The following RB1 variants were observed in gnomAD, a reference collection of about 807,000 sequenced individuals.
The protein encoded by RB1 is RB transcriptional corepressor 1, also known as retinoblastoma-associated protein.
Under a neutral mutation model 135.4 loss-of-function variants are expected in RB1, and 18 were observed. The observed-to-expected ratio is 0.13, with a 90% CI of 0.09 to 0.20. The LOEUF (loss-of-function observed/expected upper bound fraction) is 0.20. Among genes scored for constraint, RB1 ranks in the 10% least tolerant of loss-of-function variants. The pLI, the probability that RB1 is intolerant of heterozygous loss-of-function variation, is 1.00. For synonymous variants in RB1, 365 were observed against 373.2 expected (o/e 0.98, Z 0.25); for missense variants, 868 against 1,110.0 (o/e 0.78, Z 3.10).
intron 8 of RB1, among the ~76,000 whole-genome samples, chr13:48,364,517 T>C (rs867713975): frequency 6.6e-6 from 1 of 152,228 alleles, no homozygotes; most frequent in African/African-American, 2.4e-5. Context: ...ATACAAAATA[T>C]ATGTGAATTC....
At chr13:48,332,059 G>A (rs953416709) in intron 2 of RB1, among the ~76,000 whole-genome samples, 1 of 152,060 alleles carries the variant, frequency 6.6e-6, no homozygotes, top group Non-Finnish European at 1.5e-5. Flanking sequence ...CCTTAAAAAA[G>A]GTAGGAAATC....
intron 17 of RB1, among the ~76,000 whole-genome samples, chr13:48,432,768 C>T (rs1198026562): frequency 6.6e-6 from 1 of 151,830 alleles, no homozygotes; most frequent in East Asian, 1.9e-4. Flanking sequence ...ATTTTATTTC[C>T]TTGGAATAAA....
intron 17 of RB1, among the ~76,000 whole-genome samples, chr13:48,450,592 G>C (rs550004076): frequency 6.6e-6 from 1 of 152,234 alleles, no homozygotes; most frequent in South Asian, 2.1e-4. Context: ...AAGTCAGGTA[G>C]TGTGATGTCT....
At chr13:48,348,207 G>A (rs1309185099) in intron 5 of RB1, among the ~76,000 whole-genome samples, 1 of 151,938 alleles carries the variant, frequency 6.6e-6, no homozygotes, top group Non-Finnish European at 1.5e-5. Flanking sequence ...TAATTTCTGT[G>A]TGAGAATAAA....
intron 20 of RB1, among the ~76,000 whole-genome samples, chr13:48,461,248 A>G (rs572207909): frequency 1.1e-4 from 17 of 152,156 alleles, no homozygotes; most frequent in African/African-American, 4.1e-4. Flanking sequence ...TTTCATATAC[A>G]TGGAATTATA....
At chr13:48,449,770 A>C (rs1263097673) in intron 17 of RB1, among the ~76,000 whole-genome samples, 1 of 152,216 alleles carries the variant, frequency 6.6e-6, no homozygotes, top group Non-Finnish European at 1.5e-5. Context: ...TTTTAAAATA[A>C]GTCAGTTTAT....
intron 9 of RB1, among the ~76,000 whole-genome samples, chr13:48,365,516 G>A (rs1329523327): frequency 1.3e-5 from 2 of 152,170 alleles, no homozygotes; most frequent in African/African-American, 2.4e-5. Flanking sequence ...TGCTACAAAT[G>A]TCTTTCCAAT....
At chr13:48,391,275 C>T (rs2138159381) in intron 17 of RB1, 1 of 152,318 alleles carries the variant, frequency 6.6e-6, no homozygotes, top group African/African-American at 2.4e-5. Context: ...TGTTGTCATA[C>T]ATTTTGCTTC....
chr13:48,417,846 C>A (rs1008310264), intron 17 of RB1, among the ~76,000 whole-genome samples: 1 of 152,080 alleles, frequency 6.6e-6, no homozygotes, highest in Non-Finnish European at 1.5e-5. Flanking sequence ...TGAAAAGAAA[C>A]GAACAAAGCC....
chr13:48,306,004 G>A (rs770140310), intron 1 of RB1, among the ~76,000 whole-genome samples: 7 of 152,198 alleles, frequency 4.6e-5, no homozygotes, highest in Admixed American at 2.0e-4. Flanking sequence ...GTGTGATGGC[G>A]CGTACCTGTA....
chr13:48,381,500 T>A, intron 17 of RB1, 57 bp downstream of exon 17: 1 of 1,516,468 alleles, frequency 6.6e-7, no homozygotes, highest in Non-Finnish European at 9.1e-7. Flanking sequence ...AACAAATTAT[T>A]GTTAGTGAGA....
In RB1 at chr13:48,480,010, C is replaced by A. The variant is rs761999108; in HGVS notation, c.2726C>A (p.Thr909Lys). 18 of 1,613,078 alleles carry A rather than the reference C, an allele frequency of 1.1e-5. No individual in the cohort carries two copies. Among genetic ancestry groups the A allele is most frequent in the Non-Finnish European group, 1.4e-5 (17 of 1,179,380 alleles). Residue 909 changes from threonine to lysine, a missense_variant, in exon 27 of 27, where the codon ACA becomes AAA. By Grantham distance (78) the Thr-to-Lys change is moderately conservative (BLOSUM62 -1). Around this residue, in one of 3 missense-constraint regions of RB1, gnomAD observed 196 missense variants for 239.8 expected, o/e 0.82. Transcript: ENST00000267163. Reference sequence around the variant, plus strand: ...ATCCTTTTTCCAGCTTCTACTCGAACACGAATGCAAAAGCAGAAAATGAAT... The same window carrying A: ...ATCCTTTTTCCAGCTTCTACTCGAAAACGAATGCAAAAGCAGAAAATGAAT... ...QKLAEMTSTR[T>K]RMQKQKMNDS...
In RB1 at chr13:48,480,298, A is replaced by G; in HGVS notation, c.*227A>G. 1 of 560,320 alleles carries G rather than the reference A, an allele frequency of 1.8e-6. No homozygotes were observed. Among genetic ancestry groups the G allele is most frequent in the Non-Finnish European group, 3.2e-6 (1 of 311,788 alleles). 34.7% of individuals were successfully genotyped at this position (560,320 alleles called of 1,614,324 possible). A position where few individuals can be genotyped will look rare whatever the true frequency, so the allele number is the denominator to read the frequency against. ...TTGAAAATCTTGTGTAAATCCTGCC[A>G]TTTAAAAAGTTGTAGCAGATTGTTT... On this transcript the variant is annotated 3_prime_UTR_variant, in exon 27 of 27. Coordinates refer to ENST00000267163, the MANE Select transcript of RB1 (RefSeq NM_000321.3).
chr13:48,449,044 T>C (rs1188904370), intron 17 of RB1, among the ~76,000 whole-genome samples: 13 of 152,186 alleles, frequency 8.5e-5, no homozygotes, highest in African/African-American at 3.1e-4. Context: ...AGAAAAATAG[T>C]ATTTAGTAAT....
At chr13:48,388,027 G>A (rs61552995) in intron 17 of RB1, among the ~76,000 whole-genome samples, 139 of 152,130 alleles carry the variant, frequency 9.1e-4, no homozygotes, top group African/African-American at 3.2e-3. Flanking sequence ...GATCATCCTA[G>A]TCTATAGTCA....
chr13:48,337,219 A>G (rs1281751530), intron 2 of RB1, among the ~76,000 whole-genome samples: 1 of 152,132 alleles, frequency 6.6e-6, no homozygotes, highest in Non-Finnish European at 1.5e-5. Context: ...GCTGAGTTCA[A>G]TTCCTGGATA....
Position 48,453,130 on chromosome 13 carries a change from A to G in RB1, c.1814+19A>G. On this transcript the variant is annotated intron_variant, in intron 18 of 26. Transcript: ENST00000267163. ...CAGATATGTAAGCAAAATATATGTT[A>G]TGTTGACCATTCAAACTGCAAATAG... is the stretch of plus-strand genomic sequence containing the variant. 1 of 1,601,364 alleles carries G rather than the reference A, an allele frequency of 6.2e-7. No homozygotes were observed. The highest frequency in any genetic ancestry group is 2.2e-5 in the East Asian group (1 of 44,754).
At chr13:48,353,473 C>T (rs1238621652) in intron 6 of RB1, among the ~76,000 whole-genome samples, 3 of 151,996 alleles carry the variant, frequency 2.0e-5, no homozygotes, top group Non-Finnish European at 2.9e-5. Flanking sequence ...TAAAGAAAAG[C>T]CTGGGACCTG....
chr13:48,356,640 C>T lies in RB1; in HGVS notation c.608-3377C>T, dbSNP rs113995265. On this transcript the variant is annotated intron_variant, in intron 6 of 26. Transcript: ENST00000267163. ...GTTATGACATTATCAAGTATTATAA[C>T]ATTTAAATTCTATTTTGTCACTATA... 0.03 allele frequency among the ~76,000 whole-genome samples: 4,604 copies of T among 152,048 alleles called. 244 individuals are homozygous for T. Among genetic ancestry groups the T allele is most frequent in the African/African-American group, 0.11 (4,391 of 41,496 alleles).
Sources: gnomAD v4.1 joint callset for allele counts (sites outside exome capture counted in the v4.1 genomes callset) on GRCh38, gnomAD v4.1.1 for gene constraint, gnomAD v4.1.1 regional missense constraint, MANE v1.5 for transcripts, NCBI Gene and HGNC (gene_info 2026-07-23, HGNC 2026-07-21) for gene names.